The following PPIL1 variants were observed in gnomAD, a reference collection of about 807,000 sequenced individuals.
The protein encoded by PPIL1 is peptidyl-prolyl cis-trans isomerase-like 1.
Under a neutral mutation model 19.4 loss-of-function variants are expected in PPIL1, and 14 were observed. That is an observed-to-expected ratio of 0.72 (90% confidence interval 0.48 to 1.13). The LOEUF (loss-of-function observed/expected upper bound fraction) is 1.13, where lower values mean the gene tolerates loss of function less well. PPIL1 is among the 50% of genes most tolerant of loss of function. The probability of loss-of-function intolerance (pLI) is 0.00; values close to 1 mark genes in which losing one functional copy is unlikely to be tolerated. For missense variants in PPIL1, 192 were observed against 218.0 expected, an observed-to-expected ratio of 0.88 and a Z score of 0.75; for synonymous variants, 72 against 73.6, an observed-to-expected ratio of 0.98 and a Z score of 0.11.
Position 36,855,756 on chromosome 6 carries a change from T to C in PPIL1, c.*57A>G, listed in dbSNP as rs1043730992. The stretch of plus-strand genomic sequence containing the variant: ...TAGCATTACATGTCATTCTATGTCA[T>C]CTAGAAGCTGGTTCACTGGGGCCAT... On this transcript the variant is annotated 3_prime_UTR_variant, in exon 4 of 4. Transcript: ENST00000373699. 3 of 1,553,120 alleles carry C rather than the reference T, an allele frequency of 1.9e-6. No homozygotes were observed. The highest frequency in any genetic ancestry group is 2.7e-5 in the African/African-American group (2 of 73,618).
intron 2 of PPIL1, among the ~76,000 whole-genome samples, chr6:36,859,825 G>GTGTC (rs1774244625): frequency 1.3e-5 from 2 of 151,542 alleles, no homozygotes; most frequent in African/African-American, 4.9e-5. Context: ...GTGTGTGTGT[G>GTGTC]TGTGTGTGTG....
chr6:36,861,902 G>A (rs1429088031), intron 2 of PPIL1, among the ~76,000 whole-genome samples: 1 of 152,062 alleles, frequency 6.6e-6, no homozygotes, highest in Non-Finnish European at 1.5e-5. Flanking sequence ...CTCCATGTCG[G>A]TCAGGCTGGC....
At chr6:36,874,655 C>T in intron 1 of PPIL1, 62 bp downstream of exon 1, 1 of 1,589,838 alleles carries the variant, frequency 6.3e-7, no homozygotes. Context: ...GGAACGCAGA[C>T]CCGTGGTGAG....
chr6:36,874,344 A>C (rs1774588605), intron 1 of PPIL1, among the ~76,000 whole-genome samples: 1 of 152,170 alleles, frequency 6.6e-6, no homozygotes, highest in Non-Finnish European at 1.5e-5. Context: ...TGTCTCTTTC[A>C]TTATACCGTA....
chr6:36,866,808 A>G (rs1176977598), intron 2 of PPIL1, among the ~76,000 whole-genome samples: 1 of 152,210 alleles, frequency 6.6e-6, no homozygotes. Context: ...CCTTTCAGAC[A>G]AAGAAAGTAG....
intron 2 of PPIL1, among the ~76,000 whole-genome samples, chr6:36,859,844 T>TGTGTGTGTGTGTGTGTG (rs1554132501): frequency 4.7e-5 from 7 of 150,242 alleles, no homozygotes; most frequent in Non-Finnish European, 7.4e-5. Context: ...TGTGTGTGTG[T>TGTGTGTGTGTGTGTGTG]TTTGAGACAG....
At chr6:36,859,437 A>AG (rs1378192809) in intron 2 of PPIL1, among the ~76,000 whole-genome samples, 2 of 151,124 alleles carry the variant, frequency 1.3e-5, no homozygotes, top group Admixed American at 6.6e-5. Flanking sequence ...AAAAAAAAAA[A>AG]AAAAAAAAAA....
chr6:36,855,349 T>A lies in PPIL1; in HGVS notation c.*464A>T, dbSNP rs1774144541. On this transcript the variant is annotated 3_prime_UTR_variant, in exon 4 of 4. Transcript: ENST00000373699. ...GAAGAACAAATGTAAAAGACTGAAA[T>A]AGGGCGTGCACAGAGTTAAGAGGGC... The A allele has an allele frequency of 5.6e-6, 1 of 177,476 alleles. No homozygotes were observed. Among genetic ancestry groups the A allele is most frequent in the South Asian group, 1.3e-4 (1 of 7,962 alleles). 11.0% of individuals were successfully genotyped at this position (177,476 alleles called of 1,614,324 possible). A position where few individuals can be genotyped will look rare whatever the true frequency, so the allele number is the denominator to read the frequency against.
At chr6:36,865,910 A>C (rs1774385354) in intron 2 of PPIL1, among the ~76,000 whole-genome samples, 2 of 152,234 alleles carry the variant, frequency 1.3e-5, no homozygotes, top group African/African-American at 2.4e-5. Context: ...CAAATGAATA[A>C]AATTAACAGA....
At chr6:36,856,178 C>G (rs1774163928) in intron 3 of PPIL1, 145 bp from the exon 4 acceptor site, 1 of 799,308 alleles carries the variant, frequency 1.3e-6, no homozygotes, top group Non-Finnish European at 2.0e-6. Flanking sequence ...AGGGCAGTCT[C>G]TCTGCCCTGT....
rs764069487 is a variant in PPIL1 at position 36,874,673 on chromosome 6, C to G, written c.56+44G>C. ...ACGCAGACCCGTGGTGAGGCCCGGG[C>G]TCCGCGTCTCCTCTGCCAGCCCCAG... On this transcript the variant is annotated intron_variant, in intron 1 of 3. Coordinates refer to ENST00000373699, the MANE Select transcript of PPIL1 (RefSeq NM_016059.5). 9 of 1,605,228 alleles carry G rather than the reference C, an allele frequency of 5.6e-6. No individual in the cohort carries two copies. In the South Asian group the frequency reaches 9.9e-5, roughly 18 times the overall value.
chr6:36,859,982 C>G (rs567719803), intron 2 of PPIL1, among the ~76,000 whole-genome samples: 18 of 152,224 alleles, frequency 1.2e-4, no homozygotes, highest in Admixed American at 8.5e-4. Flanking sequence ...GCGCCCGCCA[C>G]CATGCCCAGC....
chr6:36,859,811 TTGTGTGTG>T (rs71880744), intron 2 of PPIL1, among the ~76,000 whole-genome samples: 11,190 of 144,960 alleles, frequency 0.077, 432 homozygotes, highest in South Asian at 0.1. Context: ...CTGTTTTCTA[TTGTGTGTG>T]TGTGTGTGTG....
Position 36,854,949 on chromosome 6 carries a change from A to G in PPIL1, c.*864T>C, listed in dbSNP as rs1435398503. ...AGTTATTTTTATACATAAACAACTG[A>G]ACATATAAAAATCTTGGACCTAATT... On this transcript the variant is annotated 3_prime_UTR_variant, in exon 4 of 4. Transcript: ENST00000373699. The G allele has an allele frequency of 1.3e-5, 2 of 152,670 alleles. No individual in the cohort carries two copies. Among genetic ancestry groups the G allele is most frequent in the Non-Finnish European group, 2.9e-5 (2 of 68,044 alleles). The allele number at this position is 152,670 out of a possible 1,614,324, so 9.5% of individuals were successfully genotyped here. A position where few individuals can be genotyped will look rare whatever the true frequency, so the allele number is the denominator to read the frequency against.
At chr6:36,859,024 C>T (rs1774224222) in intron 2 of PPIL1, among the ~76,000 whole-genome samples, 1 of 152,148 alleles carries the variant, frequency 6.6e-6, no homozygotes, top group Non-Finnish European at 1.5e-5. Context: ...ATCCCTGCAA[C>T]CTGAGGGCTA....
intron 2 of PPIL1, among the ~76,000 whole-genome samples, chr6:36,870,253 G>A (rs1232451129): frequency 2.0e-5 from 3 of 152,208 alleles, no homozygotes; most frequent in African/African-American, 7.2e-5. Flanking sequence ...AATTAGCAGA[G>A]AAGAAGCAGA....
intron 2 of PPIL1, among the ~76,000 whole-genome samples, chr6:36,865,337 G>A (rs377743659): frequency 3.3e-5 from 5 of 152,254 alleles, no homozygotes; most frequent in South Asian, 4.2e-4. Context: ...CTCTGTCTAG[G>A]AGTCTCCATT....
At chr6:36,861,901 G>A (rs1405722829) in intron 2 of PPIL1, among the ~76,000 whole-genome samples, 5 of 151,978 alleles carry the variant, frequency 3.3e-5, no homozygotes, top group Admixed American at 6.6e-5. Flanking sequence ...TCTCCATGTC[G>A]GTCAGGCTGG....
chr6:36,861,660 C>T (rs1250857207), intron 2 of PPIL1, among the ~76,000 whole-genome samples: 1 of 151,410 alleles, frequency 6.6e-6, no homozygotes, highest in Non-Finnish European at 1.5e-5. Flanking sequence ...CATTTCTTAA[C>T]CTTCTTCTTT....
Sources: gnomAD v4.1 joint callset for allele counts (sites outside exome capture counted in the v4.1 genomes callset) on GRCh38, gnomAD v4.1.1 for gene constraint, MANE v1.5 for transcripts, NCBI Gene and HGNC (gene_info 2026-07-23, HGNC 2026-07-21) for gene names.